LUZP2: variants seen among roughly 807,000 people sequenced by gnomAD.
LUZP2 encodes the protein leucine zipper protein 2.
A neutral mutation model predicts 51.6 loss-of-function variants in LUZP2; 52 were observed. That is an observed-to-expected ratio of 1.01 (90% CI 0.81 to 1.27). The LOEUF (loss-of-function observed/expected upper bound fraction) is 1.27, where lower values mean the gene tolerates loss of function less well. LUZP2 is among the 50% of genes most tolerant of loss of function. LUZP2 has a pLI of 0.00. For missense variants in LUZP2, 436 were observed against 395.4 expected (o/e 1.10, Z -0.87); for synonymous variants, 154 against 137.3 (o/e 1.12, Z -0.85).
At chr11:24,976,484 T>C (rs914388294) in intron 7 of LUZP2, 107 bp from the exon 8 acceptor site, 5 of 623,986 alleles carry the variant, frequency 8.0e-6, no homozygotes, top group South Asian at 2.9e-5. Context: ...GTTTTTTTTT[T>C]TTTTCTTTTC....
At chr11:24,711,265 C>T (rs1052863066) in intron 1 of LUZP2, among the ~76,000 whole-genome samples, 11 of 136,532 alleles carry the variant, frequency 8.1e-5, no homozygotes, top group East Asian at 7.3e-4. Flanking sequence ...CTGGCTAACA[C>T]GGTGAAACCC....
intron 1 of LUZP2, among the ~76,000 whole-genome samples, chr11:24,595,193 A>AT: frequency 6.6e-6 from 1 of 151,804 alleles, no homozygotes; most frequent in Non-Finnish European, 1.5e-5. Flanking sequence ...AAAAAAAAAA[A>AT]AAGTGTAGGT....
At chr11:24,537,381 A>G (rs904376036) in intron 1 of LUZP2, among the ~76,000 whole-genome samples, 1 of 152,008 alleles carries the variant, frequency 6.6e-6, no homozygotes, top group Non-Finnish European at 1.5e-5. Context: ...AGCTTCTTCA[A>G]ACAAGTTAAT....
intron 1 of LUZP2, among the ~76,000 whole-genome samples, chr11:24,525,736 A>G (rs1246740843): frequency 6.6e-6 from 1 of 151,388 alleles, no homozygotes; most frequent in Non-Finnish European, 1.5e-5. Context: ...ACAGATATAC[A>G]CACACACAGT....
intron 5 of LUZP2, among the ~76,000 whole-genome samples, chr11:24,901,520 C>G (rs1340153502): frequency 1.3e-5 from 2 of 152,180 alleles, no homozygotes; most frequent in African/African-American, 4.8e-5. Context: ...GCAAACATTT[C>G]TTAGGGCACA....
At chr11:24,876,726 A>G (rs1390757281) in intron 5 of LUZP2, among the ~76,000 whole-genome samples, 1 of 152,184 alleles carries the variant, frequency 6.6e-6, no homozygotes, top group Non-Finnish European at 1.5e-5. Context: ...CTTCCTACCC[A>G]TGAGCCTGGA....
intron 3 of LUZP2, among the ~76,000 whole-genome samples, chr11:24,737,346 T>C (rs181232696): frequency 6.6e-6 from 1 of 152,040 alleles, no homozygotes; most frequent in Non-Finnish European, 1.5e-5. Flanking sequence ...AGTTTTAAAT[T>C]AGTTTAGGTG....
intron 5 of LUZP2, among the ~76,000 whole-genome samples, chr11:24,849,533 G>C (rs1482890021): frequency 1.3e-5 from 2 of 152,192 alleles, no homozygotes; most frequent in Non-Finnish European, 2.9e-5. Context: ...ATCATTCATG[G>C]GCATTTGGGT....
At chr11:24,635,862 G>A (rs1310169874) in intron 1 of LUZP2, among the ~76,000 whole-genome samples, 6 of 151,984 alleles carry the variant, frequency 3.9e-5, no homozygotes, top group African/African-American at 9.7e-5. Context: ...CAAGGCCTGC[G>A]GTGCAGGTAG....
chr11:24,681,439 A>C (rs1427453754), intron 1 of LUZP2, among the ~76,000 whole-genome samples: 1 of 152,168 alleles, frequency 6.6e-6, no homozygotes, highest in African/African-American at 2.4e-5. Flanking sequence ...AGCTTTTCAA[A>C]TCTAAGGAAT....
chr11:24,993,692 A>G (rs550970130), intron 9 of LUZP2, among the ~76,000 whole-genome samples: 13 of 152,160 alleles, frequency 8.5e-5, no homozygotes, highest in Non-Finnish European at 1.8e-4. Flanking sequence ...CATCAATAAT[A>G]CTACATCCTT....
chr11:24,700,056 C>CTTTTTT (rs762849302), intron 1 of LUZP2, among the ~76,000 whole-genome samples: 79 of 95,970 alleles, frequency 8.2e-4, no homozygotes, highest in Non-Finnish European at 1.0e-3. Flanking sequence ...TTTTCCTCAA[C>CTTTTTT]TTTTTTTTTT....
intron 10 of LUZP2, among the ~76,000 whole-genome samples, chr11:25,071,818 TA>T (rs199951320): frequency 4.3e-5 from 6 of 139,294 alleles, no homozygotes; most frequent in African/African-American, 1.6e-4. Flanking sequence ...TAAAGTATAG[TA>T]AAAAAGAAAT....
At chr11:24,637,856 T>A (rs1417916122) in intron 1 of LUZP2, among the ~76,000 whole-genome samples, 1 of 151,932 alleles carries the variant, frequency 6.6e-6, no homozygotes, top group African/African-American at 2.4e-5. Flanking sequence ...CCTTGTGATC[T>A]TTTATTGCCC....
intron 7 of LUZP2, among the ~76,000 whole-genome samples, chr11:24,969,676 A>G (rs1855690115): frequency 6.6e-6 from 1 of 152,172 alleles, no homozygotes; most frequent in African/African-American, 2.4e-5. Context: ...TTAAGTGCCT[A>G]AATCAATTTT....
At chr11:25,003,074 T>C (rs1349504081) in intron 9 of LUZP2, among the ~76,000 whole-genome samples, 8 of 152,232 alleles carry the variant, frequency 5.3e-5, no homozygotes, top group Non-Finnish European at 1.0e-4. Flanking sequence ...ATATTTGACC[T>C]GCTGTAGGCA....
intron 1 of LUZP2, among the ~76,000 whole-genome samples, chr11:24,713,875 T>G (rs1366826386): frequency 6.7e-5 from 8 of 119,484 alleles, no homozygotes; most frequent in African/African-American, 1.7e-4. Context: ...TTTTTTTTTT[T>G]TGTAGAGACA....
chr11:24,535,444 C>A (rs932953937), intron 1 of LUZP2, among the ~76,000 whole-genome samples: 5 of 151,410 alleles, frequency 3.3e-5, no homozygotes, highest in Non-Finnish European at 5.9e-5. Context: ...CTTTATCAAC[C>A]AAGTTTATGT....
intron 1 of LUZP2, among the ~76,000 whole-genome samples, chr11:24,643,764 A>C (rs1855380940): frequency 6.6e-6 from 1 of 152,190 alleles, no homozygotes; most frequent in South Asian, 2.1e-4. Flanking sequence ...ATTGAAAAAA[A>C]AGATACACCA....
Sources: gnomAD v4.1 joint callset for allele counts (sites outside exome capture counted in the v4.1 genomes callset) on GRCh38, gnomAD v4.1.1 for gene constraint, MANE v1.5 for transcripts, NCBI Gene and HGNC (gene_info 2026-07-23, HGNC 2026-07-21) for gene names.